Variants in TMEFF1 observed in about 807,000 individuals in gnomAD.
TMEFF1 encodes the protein transmembrane protein with EGF like and two follistatin like domains 1.
TMEFF1 carries 20 observed loss-of-function variants against 47.5 expected under a neutral mutation model. That is an observed-to-expected ratio of 0.42 (90% confidence interval 0.30 to 0.61). The LOEUF (loss-of-function observed/expected upper bound fraction) is 0.61. TMEFF1 is among the 20% of genes least tolerant of loss of function. The pLI is 0.19. For synonymous variants in TMEFF1, 162 were observed against 166.3 expected, an observed-to-expected ratio of 0.97 and a Z score of 0.20; for missense variants, 411 against 471.1, an observed-to-expected ratio of 0.87 and a Z score of 1.18.
At chr9:100,520,731 C>G (rs891379935) in intron 5 of TMEFF1, among the ~76,000 whole-genome samples, 1 of 152,108 alleles carries the variant, frequency 6.6e-6, no homozygotes, top group African/African-American at 2.4e-5. Context: ...CTGAGCAGTT[C>G]TGTTTGGTAG....
At chr9:100,571,654 G>C (rs1419672653) in intron 8 of TMEFF1, among the ~76,000 whole-genome samples, 1 of 152,026 alleles carries the variant, frequency 6.6e-6, no homozygotes, top group African/African-American at 2.4e-5. Flanking sequence ...ATTGGGGGTG[G>C]GGGTGATGGT....
chr9:100,479,904 A>G (rs1283014903), intron 1 of TMEFF1, among the ~76,000 whole-genome samples: 1 of 152,194 alleles, frequency 6.6e-6, no homozygotes, highest in Admixed American at 6.5e-5. Flanking sequence ...TTGCTTGGTC[A>G]TATGGTAACT....
At chr9:100,502,327 CAAAG>C (rs1303340314) in intron 2 of TMEFF1, among the ~76,000 whole-genome samples, 1 of 152,010 alleles carries the variant, frequency 6.6e-6, no homozygotes, top group Non-Finnish European at 1.5e-5. Context: ...ATTTTAGACA[CAAAG>C]AAATTTCAGA....
At chr9:100,476,546 C>G (rs545119129) in intron 1 of TMEFF1, among the ~76,000 whole-genome samples, 2 of 152,018 alleles carry the variant, frequency 1.3e-5, no homozygotes, top group Non-Finnish European at 2.9e-5. Flanking sequence ...AGGCGCCCAC[C>G]ACCATGCCGG....
intron 5 of TMEFF1, among the ~76,000 whole-genome samples, chr9:100,544,681 C>G (rs1171337118): frequency 6.6e-6 from 1 of 152,234 alleles, no homozygotes; most frequent in African/African-American, 2.4e-5. Context: ...TAACTCATTT[C>G]AGCATTAACT....
intron 4 of TMEFF1, among the ~76,000 whole-genome samples, chr9:100,513,810 AC>A (rs1838012210): frequency 6.6e-6 from 1 of 152,220 alleles, no homozygotes. Context: ...TTTTCATGGT[AC>A]AGGGTTAAAA....
At position 100,473,760 on chromosome 9, in the gene TMEFF1, G is replaced by A; in HGVS notation, c.196+20G>A. The A allele has an allele frequency of 6.8e-7, 1 of 1,472,118 alleles. No individual in the cohort carries two copies. The highest frequency in any genetic ancestry group is 9.1e-7 in the Non-Finnish European group (1 of 1,103,146). The allele number at this position is 1,472,118 out of a possible 1,614,324, so 91.2% of individuals were successfully genotyped here. On this transcript the variant is annotated intron_variant, in intron 1 of 9. Coordinates refer to ENST00000374879, the MANE Select transcript of TMEFF1 (RefSeq NM_003692.5). This position sits in a 1 kb window ranked among gnomAD's most constrained non-coding sequence, Gnocchi z 5.4. ...GCTCAGGTAGGACCGGTCGGAGCCG[G>A]CCCTAGGTCTTCCCACCCCTCCGTT...
chr9:100,533,866 G>T (rs888106574), intron 5 of TMEFF1, among the ~76,000 whole-genome samples: 1 of 152,044 alleles, frequency 6.6e-6, no homozygotes, highest in African/African-American at 2.4e-5. Context: ...TTACAGGCGT[G>T]CACCACCATG....
intron 5 of TMEFF1, among the ~76,000 whole-genome samples, chr9:100,526,199 A>G (rs1300011522): frequency 1.3e-5 from 2 of 152,152 alleles, no homozygotes; most frequent in African/African-American, 4.8e-5. Context: ...GTCTAAAGCC[A>G]TTCTAATTCT....
At position 100,473,698 on chromosome 9, in the gene TMEFF1, G is replaced by T; in HGVS notation, c.154G>T (p.Gly52Trp). 1.3e-6 allele frequency: 2 copies of T among 1,533,490 alleles called. No individual in the cohort carries two copies. Among genetic ancestry groups the T allele is most frequent in the Non-Finnish European group, 1.8e-6 (2 of 1,139,194 alleles). The allele number at this position is 1,533,490 out of a possible 1,614,324, so 95.0% of individuals were successfully genotyped here. ...CCCGGGTGGTGGCGGCGGCAGCGGC[G>T]GGGACTGTCCCGGCGGCAAAGGCAA... The part of the protein sequence containing the change: ...QPPGGGGGSG[G>W]DCPGGKGKSI... Residue 52 changes from glycine to tryptophan, a missense_variant, in exon 1 of 10, where the codon GGG becomes TGG. By Grantham distance (184) the Gly-to-Trp change is radical. Transcript: ENST00000374879. The surrounding 1 kb of genome is among the most constrained non-coding windows in gnomAD (Gnocchi z 5.4).
chr9:100,541,901 C>T (rs973682765), intron 5 of TMEFF1, among the ~76,000 whole-genome samples: 6 of 152,050 alleles, frequency 3.9e-5, no homozygotes, highest in Admixed American at 3.9e-4. Flanking sequence ...GTATCTCTTT[C>T]ACTCTCCTAT....
At chr9:100,572,813 C>G (rs1839272614) in intron 9 of TMEFF1, 137 bp downstream of exon 9, 1 of 1,116,844 alleles carries the variant, frequency 9.0e-7, no homozygotes, top group South Asian at 2.0e-5. Flanking sequence ...CTCTCCCTAT[C>G]CTTCTTCTTT....
At chr9:100,565,690 A>G (rs1429082365) in intron 8 of TMEFF1, among the ~76,000 whole-genome samples, 6 of 152,296 alleles carry the variant, frequency 3.9e-5, no homozygotes, top group Admixed American at 1.3e-4. Flanking sequence ...GAGAAAATGG[A>G]AGCAATATGA....
intron 1 of TMEFF1, among the ~76,000 whole-genome samples, chr9:100,493,423 CAG>C (rs760665352): frequency 6.6e-6 from 1 of 152,142 alleles, no homozygotes; most frequent in East Asian, 1.9e-4. Flanking sequence ...CATTTTGAAT[CAG>C]AGCCTGAACC....
chr9:100,573,615 T>C (rs1308065004), intron 9 of TMEFF1, among the ~76,000 whole-genome samples: 5 of 152,184 alleles, frequency 3.3e-5, no homozygotes, highest in Non-Finnish European at 7.4e-5. Context: ...TGCATTATTC[T>C]GGGCAGAGGG....
intron 1 of TMEFF1, among the ~76,000 whole-genome samples, chr9:100,485,390 G>A (rs1338975035): frequency 2.0e-5 from 3 of 152,162 alleles, no homozygotes; most frequent in Non-Finnish European, 4.4e-5. Context: ...TTGCCAAACT[G>A]CTGTCCATGT....
At chr9:100,559,280 T>C (rs1346616244) in intron 7 of TMEFF1, among the ~76,000 whole-genome samples, 1 of 152,160 alleles carries the variant, frequency 6.6e-6, no homozygotes, top group African/African-American at 2.4e-5. Context: ...AATTATAGTA[T>C]GGGAGCTGGA....
intron 1 of TMEFF1, among the ~76,000 whole-genome samples, chr9:100,478,907 T>C (rs1837286403): frequency 6.6e-6 from 1 of 152,220 alleles, no homozygotes; most frequent in Admixed American, 6.5e-5. Flanking sequence ...AAGAACATAC[T>C]GAGAGACCAG....
chr9:100,479,008 A>G (rs1837288047), intron 1 of TMEFF1, among the ~76,000 whole-genome samples: 1 of 152,132 alleles, frequency 6.6e-6, no homozygotes, highest in Admixed American at 6.5e-5. Flanking sequence ...TGGTGGTAGG[A>G]ATGGTATTAA....
Sources: gnomAD v4.1 joint callset for allele counts (sites outside exome capture counted in the v4.1 genomes callset) on GRCh38, gnomAD v4.1.1 for gene constraint, Gnocchi (gnomAD v3.1) non-coding constraint, MANE v1.5 for transcripts, NCBI Gene and HGNC (gene_info 2026-07-23, HGNC 2026-07-21) for gene names.